The following ADD1 variants were observed in gnomAD, a reference collection of about 807,000 sequenced individuals.
The protein encoded by ADD1 is adducin 1.
Under a neutral mutation model 80.5 loss-of-function variants are expected in ADD1, and 24 were observed. The observed-to-expected ratio is 0.30, with a 90% CI of 0.22 to 0.42. ADD1 has a LOEUF of 0.42. Among genes scored for constraint, ADD1 ranks in the 10% least tolerant of loss-of-function variants. ADD1 has a pLI of 1.00. For missense variants in ADD1, 948 were observed against 1,019.0 expected (o/e 0.93, Z 0.95); for synonymous variants, 373 against 393.8 (o/e 0.95, Z 0.63).
At chr4:2,883,839 T>G (rs1189245610) in intron 3 of ADD1, among the ~76,000 whole-genome samples, 1 of 152,076 alleles carries the variant, frequency 6.6e-6, no homozygotes, top group Non-Finnish European at 1.5e-5. Flanking sequence ...GTCTGGCTAA[T>G]TTTTTGTATT....
chr4:2,865,118 C>G (rs141219679), intron 1 of ADD1, among the ~76,000 whole-genome samples: 1 of 151,816 alleles, frequency 6.6e-6, no homozygotes, highest in Non-Finnish European at 1.5e-5. Context: ...GAATGTTTTT[C>G]TTATTCTCTT....
chr4:2,882,266 G>A (rs1176012613), intron 3 of ADD1, among the ~76,000 whole-genome samples: 1 of 152,188 alleles, frequency 6.6e-6, no homozygotes, highest in Non-Finnish European at 1.5e-5. Flanking sequence ...TCTTTTCTTA[G>A]CCAGTGAGAC....
chr4:2,911,444 ATATAT>A (rs1277328367), intron 13 of ADD1, among the ~76,000 whole-genome samples: 1 of 126,794 alleles, frequency 7.9e-6, no homozygotes, highest in African/African-American at 3.2e-5. Flanking sequence ...ATATATATAT[ATATAT>A]TTTTTTTTTT....
intron 6 of ADD1, among the ~76,000 whole-genome samples, chr4:2,895,482 A>G (rs1735035837): frequency 6.6e-6 from 1 of 152,084 alleles, no homozygotes; most frequent in African/African-American, 2.4e-5. Context: ...ACGTGAGGAC[A>G]GTCTGTGGGG....
chr4:2,921,723 A>G (rs1477829819), intron 14 of ADD1, among the ~76,000 whole-genome samples: 4 of 152,114 alleles, frequency 2.6e-5, no homozygotes, highest in Non-Finnish European at 4.4e-5. Context: ...AATATCCTGA[A>G]GAGTGTTTTC....
rs774757980 is a variant in ADD1, at chr4:2,926,695, C to T, written c.2047+583C>T. On this transcript the variant is annotated intron_variant, in intron 15 of 15. Transcript: ENST00000683351. This position sits in a 1 kb window ranked among gnomAD's most constrained non-coding sequence, Gnocchi z 5.0. The stretch of plus-strand genomic sequence containing the variant: ...ACCCTAGTAAGTACCGTGCTGCCTC[C>T]GCTCTCCACCGGTGCCCTGCGCTTT... 22 of 1,611,916 alleles carry T rather than the reference C, an allele frequency of 1.4e-5. No individual in the cohort carries two copies. The highest frequency in any genetic ancestry group is 4.5e-5 in the East Asian group (2 of 44,840).
intron 14 of ADD1, among the ~76,000 whole-genome samples, chr4:2,921,622 G>C (rs999923492): frequency 6.6e-6 from 1 of 152,106 alleles, no homozygotes; most frequent in African/African-American, 2.4e-5. Flanking sequence ...TCTTGGGGTT[G>C]CTCTTCTTGA....
At chr4:2,884,761 A>C (rs1366872206) in intron 4 of ADD1, 95 bp downstream of exon 4, 2 of 1,377,928 alleles carry the variant, frequency 1.5e-6, no homozygotes, top group East Asian at 2.4e-5. Context: ...AAGCAGGCTG[A>C]GCTTCAGTAA....
At chr4:2,856,170 G>T (rs1356618447) in intron 1 of ADD1, among the ~76,000 whole-genome samples, 1 of 152,016 alleles carries the variant, frequency 6.6e-6, no homozygotes, top group Non-Finnish European at 1.5e-5. Context: ...AGGATTACAG[G>T]CATGAGCCAC....
intron 2 of ADD1, among the ~76,000 whole-genome samples, chr4:2,877,099 T>G (rs1470298768): frequency 2.6e-5 from 4 of 152,112 alleles, no homozygotes; most frequent in African/African-American, 9.7e-5. Context: ...AGAGTCAGCA[T>G]TTTGAGCCAC....
At position 2,903,799 on chromosome 4, in the gene ADD1, A is replaced by G. The variant is rs576960526; in HGVS notation, c.1162-965A>G. 2.0e-5 allele frequency among the ~76,000 whole-genome samples: 3 copies of G among 152,310 alleles called. No individual in the cohort carries two copies. In the East Asian group the frequency reaches 5.8e-4, roughly 29 times the overall value. On this transcript the variant is annotated intron_variant, in intron 9 of 15. Transcript: ENST00000683351. Reference sequence around the variant, plus strand: ...TACCAAGTGTGGCCAGGAGAGATGCAGAGGACACCGTCCATGCCCTTAGAG... The same window carrying G: ...TACCAAGTGTGGCCAGGAGAGATGCGGAGGACACCGTCCATGCCCTTAGAG...
intron 4 of ADD1, among the ~76,000 whole-genome samples, chr4:2,892,862 A>AG (rs1734544050): frequency 6.6e-6 from 1 of 151,622 alleles, no homozygotes; most frequent in Non-Finnish European, 1.5e-5. Context: ...AAAAAAAAAA[A>AG]CAGATCAAGT....
chr4:2,897,142 G>A (rs148306384), intron 6 of ADD1, among the ~76,000 whole-genome samples: 1 of 152,206 alleles, frequency 6.6e-6, no homozygotes, highest in Non-Finnish European at 1.5e-5. Flanking sequence ...GGAGTTAAAT[G>A]TGGTATTGTC....
rs1316085477 is a variant in ADD1 at position 2,928,302 on chromosome 4, C to A, written c.2179C>A (p.His727Asn). Residue 727 changes from histidine (H) to asparagine (N), a missense_variant, in exon 16 of 16, where the codon CAT becomes AAT. Transcript: ENST00000683351. ...AATGTTAGAGAAGGAGGAGGAAGCC[C>A]ATAGACCCCCAAGCCCCACTGAGGC... is the stretch of plus-strand genomic sequence containing the variant. ...FPMLEKEEEA[H>N]RPPSPTEAPT... The A allele has an allele frequency of 1.2e-6, 2 of 1,614,064 alleles. No homozygotes were observed.
intron 14 of ADD1, among the ~76,000 whole-genome samples, chr4:2,925,093 C>T (rs1740746032): frequency 6.6e-6 from 1 of 152,136 alleles, no homozygotes; most frequent in South Asian, 2.1e-4. Flanking sequence ...CTGATCTGGC[C>T]CTTGGCATGG....
At position 2,874,699 on chromosome 4, in the gene ADD1, T is replaced by TAA. The variant is rs543758873; in HGVS notation, c.-20-1189_-20-1188dup. ...AGAAATATCAAATTGATCTTTTTCT[T>TAA]AAAAAAAAACACTAATTTCTTCAAC... is the stretch of plus-strand genomic sequence containing the variant. On this transcript the variant is annotated intron_variant, in intron 1 of 15. Transcript: ENST00000683351. Among the ~76,000 whole-genome samples, 166 of 151,390 alleles carry TAA rather than the reference T, an allele frequency of 1.1e-3. 1 individual carries two copies. Among genetic ancestry groups the TAA allele is most frequent in the Admixed American group, 3.6e-3 (55 of 15,174 alleles).
intron 6 of ADD1, 53 bp from the exon 7 acceptor site, chr4:2,898,131 G>A (rs1735564716): frequency 5.8e-6 from 9 of 1,563,846 alleles, no homozygotes; most frequent in Non-Finnish European, 7.8e-6. Context: ...CATATCATCA[G>A]TCATTGTGTA....
At chr4:2,875,833 C>T (rs1360695796) in intron 1 of ADD1, 63 bp from the exon 2 acceptor site, 1 of 1,306,312 alleles carries the variant, frequency 7.7e-7, no homozygotes, top group Non-Finnish European at 1.0e-6. Context: ...CTCATGTGCT[C>T]ATCATGAAAC....
rs139520568 is a variant in ADD1 at position 2,928,471 on chromosome 4, A to T, written c.2348A>T (p.Lys783Met). ...AAGTCCCCGTCCAAAAAGAAGAAGA[A>T]GTTCCGTACCCCGTCCTTTCTGAAG... ...PGKSPSKKKK[K>M]FRTPSFLKKS... is the part of the protein sequence containing the mutation. The change falls in exon 16 of 16, where the codon AAG becomes ATG. Residue 783 changes from lysine (K) to methionine (M), a missense_variant. By Grantham distance (95) the Lys-to-Met change is moderately conservative. Transcript: ENST00000683351. 4.1e-4 allele frequency: 661 copies of T among 1,613,746 alleles called. No individual in the cohort carries two copies. Among genetic ancestry groups the T allele is most frequent in the South Asian group, 2.3e-3 (214 of 91,074 alleles).
Sources: gnomAD v4.1 joint callset for allele counts (sites outside exome capture counted in the v4.1 genomes callset) on GRCh38, gnomAD v4.1.1 for gene constraint, Gnocchi (gnomAD v3.1) non-coding constraint, MANE v1.5 for transcripts, NCBI Gene and HGNC (gene_info 2026-07-23, HGNC 2026-07-21) for gene names.